Variants in DNAAF9 observed in about 807,000 individuals in gnomAD.
DNAAF9 encodes the protein shulin.
In DNAAF9, 90 loss-of-function variants were observed where a neutral mutation model predicts 167.0. That is an observed-to-expected ratio of 0.54 (90% CI 0.45 to 0.64). DNAAF9 has a LOEUF of 0.64. Among genes scored for constraint, DNAAF9 ranks in the 30% least tolerant of loss-of-function variants. DNAAF9 has a pLI of 0.00. For synonymous variants in DNAAF9, 491 were observed against 508.8 expected (o/e 0.96, Z 0.47); for missense variants, 1,315 against 1,442.2 (o/e 0.91, Z 1.43).
chr20:3,405,421 T>C (rs1014167200), intron 1 of DNAAF9, among the ~76,000 whole-genome samples: 5 of 152,148 alleles, frequency 3.3e-5, no homozygotes, highest in Non-Finnish European at 5.9e-5. Context: ...TAACATTCAA[T>C]GTCAAGAGTA....
intron 6 of DNAAF9, among the ~76,000 whole-genome samples, chr20:3,370,417 T>A (rs1004685306): frequency 1.4e-5 from 2 of 146,552 alleles, no homozygotes; most frequent in East Asian, 2.0e-4. Flanking sequence ...CCTCGCTAAT[T>A]TTTTTTTTTT....
At chr20:3,310,365 GA>G (rs2069388641) in intron 20 of DNAAF9, among the ~76,000 whole-genome samples, 2 of 150,862 alleles carry the variant, frequency 1.3e-5, no homozygotes, top group African/African-American at 4.9e-5. Flanking sequence ...AAGAAAGAAA[GA>G]AAGAAAGAAA....
At chr20:3,349,218 A>AC (rs2070264472) in intron 7 of DNAAF9, among the ~76,000 whole-genome samples, 1 of 147,552 alleles carries the variant, frequency 6.8e-6, no homozygotes, top group Non-Finnish European at 1.5e-5. Context: ...AAAAAAAAAA[A>AC]CACCATGAAA....
intron 29 of DNAAF9, among the ~76,000 whole-genome samples, chr20:3,273,123 G>A (rs896167462): frequency 2.0e-5 from 3 of 152,148 alleles, no homozygotes; most frequent in East Asian, 1.9e-4. Flanking sequence ...GAGCCATCGC[G>A]CCCGGTGAGA....
intron 1 of DNAAF9, among the ~76,000 whole-genome samples, chr20:3,387,593 G>A (rs1487147062): frequency 6.6e-6 from 1 of 152,036 alleles, no homozygotes; most frequent in Non-Finnish European, 1.5e-5. Flanking sequence ...ATGAATTCTT[G>A]AAAATGTCAC....
intron 1 of DNAAF9, among the ~76,000 whole-genome samples, chr20:3,387,072 G>C (rs940457161): frequency 3.3e-5 from 5 of 151,682 alleles, no homozygotes; most frequent in Non-Finnish European, 7.4e-5. Context: ...ATATCGTTAA[G>C]CTGTCAATGT....
At position 3,348,635 on chromosome 20, in the gene DNAAF9, A is replaced by AG; in HGVS notation, c.691-13dup. The AG allele has an allele frequency of 6.4e-7, 1 of 1,552,870 alleles. No homozygotes were observed. ...AAAGCCACCAAATCCTGGGAAAAAA[A>AG]GGAAAAAGATAACGTGTTTGGTCAT... On this transcript the variant is annotated splice_polypyrimidine_tract_variant and intron_variant, in intron 7 of 36. Coordinates refer to ENST00000252032, the MANE Select transcript of DNAAF9 (RefSeq NM_001009984.3).
chr20:3,327,602 T>C (rs996270372), intron 12 of DNAAF9, among the ~76,000 whole-genome samples: 2 of 152,162 alleles, frequency 1.3e-5, no homozygotes, highest in Admixed American at 6.5e-5. Flanking sequence ...AGGAAGGTGA[T>C]AGGAGTTTGA....
rs1226143476 is a variant in DNAAF9 at position 3,382,570 on chromosome 20, C to A, written c.84-64G>T. On this transcript the variant is annotated intron_variant, in intron 1 of 36. Transcript: ENST00000252032. Reference sequence around the variant, plus strand: ...ACAGCCCCATGAGAAGAGCAGCATCCTGTGTCCCACAATGGAGTCATGAGG... The same window carrying A: ...ACAGCCCCATGAGAAGAGCAGCATCATGTGTCCCACAATGGAGTCATGAGG... 7.2e-6 allele frequency: 9 copies of A among 1,249,772 alleles called. No homozygotes were observed. The Admixed American group carries it at 1.5e-4, about 21-fold the overall frequency. 77.4% of individuals were successfully genotyped at this position (1,249,772 alleles called of 1,614,324 possible). A position where few individuals can be genotyped will look rare whatever the true frequency, so the allele number is the denominator to read the frequency against.
At chr20:3,353,638 C>T (rs1170074345) in intron 7 of DNAAF9, among the ~76,000 whole-genome samples, 1 of 9,328 alleles carries the variant, frequency 1.1e-4, no homozygotes, top group African/African-American at 9.2e-4. Flanking sequence ...CCCGCACCAC[C>T]CCCCCCCCCG....
chr20:3,324,903 C>T lies in DNAAF9; in HGVS notation c.1254G>A (p.Lys418=), dbSNP rs772082545. ...GLDSFELIPF[K]AALRSKMTFH... ...CAGCCATTGCTTACCGCAGGGCTGC[C>T]TTAAACGGAATCAACTCAAAGGAAT... Residue 418 remains lysine (K), a synonymous_variant, in exon 14 of 37, where the codon AAG becomes AAA. Transcript: ENST00000252032. The T allele has an allele frequency of 1.9e-6, 3 of 1,596,214 alleles. No homozygotes were observed. The highest frequency in any genetic ancestry group is 1.7e-6 in the Non-Finnish European group (2 of 1,163,892).
chr20:3,280,387 A>AC (rs1389928501), intron 28 of DNAAF9, among the ~76,000 whole-genome samples: 1 of 151,784 alleles, frequency 6.6e-6, no homozygotes, highest in Non-Finnish European at 1.5e-5. Context: ...ACACAGAGAA[A>AC]CCCCGTCTCT....
chr20:3,389,460 A>T (rs959138352), intron 1 of DNAAF9, among the ~76,000 whole-genome samples: 12 of 152,080 alleles, frequency 7.9e-5, no homozygotes, highest in African/African-American at 2.2e-4. Flanking sequence ...AATTTTAAAA[A>T]TTTTTTTAGA....
At chr20:3,379,439 C>T (rs1402749565) in intron 3 of DNAAF9, among the ~76,000 whole-genome samples, 1 of 151,842 alleles carries the variant, frequency 6.6e-6, no homozygotes, top group Non-Finnish European at 1.5e-5. Context: ...ACTAAAAATA[C>T]AAAAATTAGC....
At chr20:3,349,797 A>G (rs576838226) in intron 7 of DNAAF9, among the ~76,000 whole-genome samples, 1 of 152,104 alleles carries the variant, frequency 6.6e-6, no homozygotes, top group South Asian at 2.1e-4. Context: ...TGCTTAAGAT[A>G]CTCCTCAAGT....
At chr20:3,380,187 C>T (rs2083629313) in intron 3 of DNAAF9, among the ~76,000 whole-genome samples, 1 of 152,084 alleles carries the variant, frequency 6.6e-6, no homozygotes, top group Non-Finnish European at 1.5e-5. Flanking sequence ...GTATGAGCTG[C>T]CAAGATTGCT....
At chr20:3,314,925 A>C (rs1307667279) in intron 20 of DNAAF9, 108 bp downstream of exon 20, 5 of 706,262 alleles carry the variant, frequency 7.1e-6, no homozygotes, top group Non-Finnish European at 1.3e-5. Context: ...TTTCTGTACC[A>C]CAATTGTGTT....
intron 34 of DNAAF9, 79 bp downstream of exon 34, chr20:3,255,927 C>T (rs1239750577): frequency 3.1e-5 from 33 of 1,068,780 alleles, no homozygotes; most frequent in Non-Finnish European, 3.9e-5. Context: ...GAGGCAGTGG[C>T]GGGGCTTCTC....
chr20:3,354,823 A>G (rs1047765551), intron 7 of DNAAF9, among the ~76,000 whole-genome samples: 3 of 152,194 alleles, frequency 2.0e-5, no homozygotes, highest in Non-Finnish European at 4.4e-5. Context: ...ACACATCAAA[A>G]GGGCTTCCTT....
Sources: gnomAD v4.1 joint callset for allele counts (sites outside exome capture counted in the v4.1 genomes callset) on GRCh38, gnomAD v4.1.1 for gene constraint, MANE v1.5 for transcripts, NCBI Gene and HGNC (gene_info 2026-07-23, HGNC 2026-07-21) for gene names.